LHFPL3: variants seen among roughly 807,000 people sequenced by gnomAD.
The protein encoded by LHFPL3 is LHFPL tetraspan subfamily member 3 protein.
In LHFPL3, 5 loss-of-function variants were observed where a neutral mutation model predicts 19.3. That is an observed-to-expected ratio of 0.26 (90% CI 0.14 to 0.54). The LOEUF (loss-of-function observed/expected upper bound fraction) is 0.54. Ranked by LOEUF, LHFPL3 falls within the 20% of genes least tolerant of loss-of-function variation. The pLI, the probability that LHFPL3 is intolerant of heterozygous loss-of-function variation, is 0.94. For synonymous variants in LHFPL3, 133 were observed against 126.2 expected (o/e 1.05, Z -0.36); for missense variants, 249 against 307.4 (o/e 0.81, Z 1.42).
intron 1 of LHFPL3, among the ~76,000 whole-genome samples, chr7:104,374,283 C>G (rs1790668014): frequency 6.6e-6 from 1 of 151,490 alleles, no homozygotes; most frequent in South Asian, 2.1e-4. Context: ...TGCTCTGTCA[C>G]CAGGCTGGAG....
At chr7:104,415,060 A>G (rs767234151) in intron 1 of LHFPL3, among the ~76,000 whole-genome samples, 4 of 152,228 alleles carry the variant, frequency 2.6e-5, no homozygotes, top group Non-Finnish European at 5.9e-5. Context: ...GACAATAGAA[A>G]TTGATTTAAG....
At chr7:104,734,389 C>G (rs1175593635) in intron 1 of LHFPL3, among the ~76,000 whole-genome samples, 1 of 152,206 alleles carries the variant, frequency 6.6e-6, no homozygotes, top group Non-Finnish European at 1.5e-5. Context: ...TTCACATAGT[C>G]CCATATTTCT....
intron 2 of LHFPL3, among the ~76,000 whole-genome samples, chr7:104,836,643 T>G (rs752532461): frequency 6.6e-6 from 1 of 152,128 alleles, no homozygotes; most frequent in Non-Finnish European, 1.5e-5. Flanking sequence ...TACGGTGCCA[T>G]GAAGGTTGGG....
At chr7:104,880,353 CAGG>C (rs948256240) in intron 2 of LHFPL3, among the ~76,000 whole-genome samples, 2 of 152,046 alleles carry the variant, frequency 1.3e-5, no homozygotes, top group Non-Finnish European at 2.9e-5. Flanking sequence ...GAGGCCTCAT[CAGG>C]AGGAGATGCT....
At chr7:104,647,697 A>G in intron 1 of LHFPL3, among the ~76,000 whole-genome samples, 1 of 152,210 alleles carries the variant, frequency 6.6e-6, no homozygotes. Flanking sequence ...CACAAATCTC[A>G]ATGATTTTCT....
At position 104,769,152 on chromosome 7, in the gene LHFPL3, T is replaced by C. The variant is rs143193367; in HGVS notation, c.682+32241T>C. On this transcript the variant is annotated intron_variant, in intron 2 of 2. Transcript: ENST00000424859. ...CAGCCTTCTGGCTTCATGTTATCTA[T>C]AGAAGCACAGTTGAGCTGTGTTCAA... 5 of 152,394 alleles carry C rather than the reference T, an allele frequency of 3.3e-5. No individual in the cohort carries two copies. In the East Asian group the frequency reaches 9.6e-4, roughly 29 times the overall value. 9.4% of individuals were successfully genotyped at this position (152,394 alleles called of 1,614,324 possible).
intron 1 of LHFPL3, among the ~76,000 whole-genome samples, chr7:104,569,965 A>G (rs1185738198): frequency 6.6e-6 from 1 of 152,248 alleles, no homozygotes; most frequent in African/African-American, 2.4e-5. Context: ...GCTCATGAGA[A>G]GCATAAATAT....
chr7:104,866,272 C>G (rs564747502), intron 2 of LHFPL3, among the ~76,000 whole-genome samples: 3 of 152,170 alleles, frequency 2.0e-5, no homozygotes, highest in Non-Finnish European at 2.9e-5. Context: ...TTAAAAGACA[C>G]AGACTGACAA....
At chr7:104,730,941 T>TCG (rs1249408965) in intron 1 of LHFPL3, among the ~76,000 whole-genome samples, 2 of 151,638 alleles carry the variant, frequency 1.3e-5, no homozygotes, top group African/African-American at 2.4e-5. Context: ...AAGGAAGGGA[T>TCG]ACAGTTTCAG....
At chr7:104,358,253 T>A (rs1379298571) in intron 1 of LHFPL3, among the ~76,000 whole-genome samples, 2 of 152,210 alleles carry the variant, frequency 1.3e-5, no homozygotes, top group African/African-American at 4.8e-5. Flanking sequence ...ATATTGTGAA[T>A]GCACTTAATA....
intron 1 of LHFPL3, among the ~76,000 whole-genome samples, chr7:104,678,945 G>T (rs981808034): frequency 6.6e-6 from 1 of 152,200 alleles, no homozygotes; most frequent in Non-Finnish European, 1.5e-5. Flanking sequence ...TGAGCAGAAA[G>T]TAAAAAAGAA....
chr7:104,754,902 TACA>T (rs1794253555), intron 2 of LHFPL3, among the ~76,000 whole-genome samples: 2 of 152,138 alleles, frequency 1.3e-5, no homozygotes, highest in Non-Finnish European at 2.9e-5. Context: ...TTCCTAGTGC[TACA>T]GAAGTTCTCA....
chr7:104,579,394 CAAGT>C (rs1235850119), intron 1 of LHFPL3, among the ~76,000 whole-genome samples: 1 of 152,160 alleles, frequency 6.6e-6, no homozygotes, highest in Non-Finnish European at 1.5e-5. Context: ...CTCCCACTGA[CAAGT>C]GAGAACATGC....
chr7:104,773,652 T>A (rs1794596434), intron 2 of LHFPL3, among the ~76,000 whole-genome samples: 1 of 152,214 alleles, frequency 6.6e-6, no homozygotes, highest in African/African-American at 2.4e-5. Flanking sequence ...GCAGTCACAC[T>A]GCAGTAGGGC....
At chr7:104,415,101 G>T (rs963161329) in intron 1 of LHFPL3, among the ~76,000 whole-genome samples, 2 of 152,102 alleles carry the variant, frequency 1.3e-5, no homozygotes, top group Admixed American at 6.6e-5. Flanking sequence ...AACTTAGGTT[G>T]GTCTGAGCAG....
At chr7:104,843,181 C>T (rs992133626) in intron 2 of LHFPL3, among the ~76,000 whole-genome samples, 1 of 152,266 alleles carries the variant, frequency 6.6e-6, no homozygotes, top group Non-Finnish European at 1.5e-5. Flanking sequence ...CTCTGGGAGC[C>T]TGCAGCCCAG....
At chr7:104,372,281 G>T (rs564294066) in intron 1 of LHFPL3, among the ~76,000 whole-genome samples, 76 of 152,264 alleles carry the variant, frequency 5.0e-4, no homozygotes, top group East Asian at 4.2e-3. Flanking sequence ...TCCTTTTCCA[G>T]TCAGGGAGCC....
At chr7:104,649,652 G>T (rs1337259034) in intron 1 of LHFPL3, among the ~76,000 whole-genome samples, 1 of 152,200 alleles carries the variant, frequency 6.6e-6, no homozygotes, top group Non-Finnish European at 1.5e-5. Flanking sequence ...CCTCCTGTTG[G>T]AAGGGCACAA....
chr7:104,419,516 T>G (rs1791686369), intron 1 of LHFPL3, among the ~76,000 whole-genome samples: 1 of 152,024 alleles, frequency 6.6e-6, no homozygotes, highest in Non-Finnish European at 1.5e-5. Flanking sequence ...AATCAACGAG[T>G]TCATTTCAGA....
Sources: gnomAD v4.1 joint callset for allele counts (sites outside exome capture counted in the v4.1 genomes callset) on GRCh38, gnomAD v4.1.1 for gene constraint, MANE v1.5 for transcripts, NCBI Gene and HGNC (gene_info 2026-07-23, HGNC 2026-07-21) for gene names.